CCDC136: variants seen among roughly 807,000 people sequenced by gnomAD.
CCDC136 encodes coiled-coil domain-containing protein 136.
CCDC136 carries 100 observed loss-of-function variants against 141.2 expected under a neutral mutation model. The ratio of observed to expected loss-of-function variants is 0.71; its 90% CI spans 0.60 to 0.84. CCDC136 has a LOEUF of 0.84. Ranked by LOEUF, CCDC136 falls within the 40% of genes least tolerant of loss-of-function variation. The pLI, the probability that CCDC136 is intolerant of heterozygous loss-of-function variation, is 0.00. For missense variants in CCDC136, 1,206 were observed against 1,379.4 expected (o/e 0.87, Z 1.99); for synonymous variants, 474 against 531.9 (o/e 0.89, Z 1.50).
chr7:128,806,981 G>T (rs912708867), intron 9 of CCDC136, 123 bp downstream of exon 9: 5 of 966,538 alleles, frequency 5.2e-6, no homozygotes, highest in Non-Finnish European at 7.4e-6. Context: ...GGCCAAAGAG[G>T]TGCTTAGGAG....
At chr7:128,815,978 C>G in intron 16 of CCDC136, 47 bp downstream of exon 16, 1 of 1,546,518 alleles carries the variant, frequency 6.5e-7, no homozygotes, top group Non-Finnish European at 8.7e-7. Flanking sequence ...GGGTCTTGGG[C>G]TCAGATAACT....
rs143918184 is a variant in CCDC136, at chr7:128,815,858, A to G, written c.3290A>G (p.Glu1097Gly). ...EEEKEEDSEEEEDDADSSLES... is the reference protein window; with the variant it reads ...EEEKEEDSEEGEDDADSSLES... ...GAGAAGGAAGAAGACAGTGAAGAGGAGGAGGATGACGCCGACTCTTCCCTT... is the reference window on the plus strand; with the variant it reads ...GAGAAGGAAGAAGACAGTGAAGAGGGGGAGGATGACGCCGACTCTTCCCTT... Residue 1097 changes from glutamate (E) to glycine (G), a missense_variant, in exon 16 of 18, where the codon GAG (glutamate) becomes GGG (glycine). Glu to Gly is a moderately conservative substitution (Grantham distance 98). Transcript: ENST00000297788. 324 of 1,613,706 alleles carry G rather than the reference A, an allele frequency of 2.0e-4. 1 individual carries two copies. The African/African-American group carries it at 3.6e-3, about 18-fold the overall frequency.
intron 4 of CCDC136, 138 bp from the exon 5 acceptor site, chr7:128,804,512 T>G (rs1562915512): frequency 6.4e-6 from 4 of 625,152 alleles, no homozygotes; most frequent in Non-Finnish European, 1.1e-5. Flanking sequence ...CTTCTAAGCC[T>G]CTACCTTTTT....
At chr7:128,801,062 G>A (rs1282687634) in intron 3 of CCDC136, 124 bp from the exon 4 acceptor site, 1 of 652,118 alleles carries the variant, frequency 1.5e-6, no homozygotes, top group South Asian at 1.9e-5. Context: ...TCTCTGATGG[G>A]GTAGAGACAA....
chr7:128,810,267 C>G lies in CCDC136; in HGVS notation c.1929C>G (p.His643Gln). ...TATTAAAAGAACAATTAGAGATCCACGAAGAGCTGCGACGTTTCAAAGAGT... is the reference window on the plus strand; with the variant it reads ...TATTAAAAGAACAATTAGAGATCCAGGAAGAGCTGCGACGTTTCAAAGAGT... Reference protein sequence around the residue: ...DCVLKEQLEIHEELRRFKESH... With the variant: ...DCVLKEQLEIQEELRRFKESH... The change falls in exon 12 of 18, where the codon CAC becomes CAG. Residue 643 changes from histidine to glutamine, a missense_variant. Physicochemically the swap from His to Gln is conservative, Grantham distance 24 (BLOSUM62 0). Transcript: ENST00000297788. The G allele has an allele frequency of 6.2e-7, 1 of 1,613,754 alleles. No individual in the cohort carries two copies. The highest frequency in any genetic ancestry group is 1.1e-5 in the South Asian group (1 of 90,992).
At chr7:128,804,787 G>A (rs1433868057) in intron 5 of CCDC136, 26 bp downstream of exon 5, 7 of 1,424,640 alleles carry the variant, frequency 4.9e-6, no homozygotes, top group Non-Finnish European at 6.8e-6. Flanking sequence ...GAGAGTGAGA[G>A]GTCATGGGGT....
At chr7:128,801,580 A>G (rs1804031764) in intron 4 of CCDC136, 71 bp downstream of exon 4, 1 of 1,106,400 alleles carries the variant, frequency 9.0e-7, no homozygotes, top group Non-Finnish European at 1.3e-6. Context: ...AAAATGGTAG[A>G]AGGTGGTGTT....
At chr7:128,795,725 T>C (rs1802845321) in intron 3 of CCDC136, among the ~76,000 whole-genome samples, 1 of 152,136 alleles carries the variant, frequency 6.6e-6, no homozygotes, top group African/African-American at 2.4e-5. Flanking sequence ...TTGTGTGATC[T>C]TGGGCAAGTC....
At chr7:128,804,184 A>G (rs1804481195) in intron 4 of CCDC136, among the ~76,000 whole-genome samples, 1 of 152,262 alleles carries the variant, frequency 6.6e-6, no homozygotes, top group South Asian at 2.1e-4. Flanking sequence ...GAAACTCAGA[A>G]TGCCTGAAAG....
In CCDC136 at chr7:128,817,156, G is replaced by A. The variant is rs1389385574; in HGVS notation, c.3364-602G>A. ...GATCCCTTTGCCCCGTGGGTCCTGCGTCTTTTGCAGGCAGCTCTAGGGCAT... is the reference window on the plus strand; with the variant it reads ...GATCCCTTTGCCCCGTGGGTCCTGCATCTTTTGCAGGCAGCTCTAGGGCAT... On this transcript the variant is annotated intron_variant, in intron 16 of 17. Coordinates refer to ENST00000297788, the MANE Select transcript of CCDC136 (RefSeq NM_022742.5). The surrounding 1 kb of genome is among the most constrained non-coding windows in gnomAD (Gnocchi z 4.6). Among the ~76,000 whole-genome samples, 3 of 152,156 alleles carry A rather than the reference G, an allele frequency of 2.0e-5. No homozygotes were observed. The highest frequency in any genetic ancestry group is 6.5e-5 in the Admixed American group (1 of 15,280).
chr7:128,813,137 TTC>T (rs1224307629), intron 14 of CCDC136, among the ~76,000 whole-genome samples: 1 of 152,364 alleles, frequency 6.6e-6, no homozygotes. Flanking sequence ...ATCGAATGAT[TTC>T]TCTCTTTCTC....
rs1249323695 is a variant in CCDC136 at position 128,797,096 on chromosome 7, G to T, written c.346+2328G>T. Reference sequence around the variant, plus strand: ...GATTTGCTAATGAATTCGATCAGGGGATAACAGAGACATGAAAGATGACTT... The same window carrying T: ...GATTTGCTAATGAATTCGATCAGGGTATAACAGAGACATGAAAGATGACTT... On this transcript the variant is annotated intron_variant, in intron 3 of 17. Coordinates refer to ENST00000297788, the MANE Select transcript of CCDC136 (RefSeq NM_022742.5). Among the ~76,000 whole-genome samples, 4 of 152,282 alleles carry T rather than the reference G, an allele frequency of 2.6e-5. No homozygotes were observed. The South Asian group carries it at 8.3e-4, about 32-fold the overall frequency.
At chr7:128,808,950 A>G in intron 10 of CCDC136, 1 of 984,340 alleles carries the variant, frequency 1.0e-6, no homozygotes, top group Non-Finnish European at 1.2e-6. Flanking sequence ...ATTTACCAAT[A>G]GCGCATACTT....
At chr7:128,799,964 T>C (rs1803743505) in intron 3 of CCDC136, among the ~76,000 whole-genome samples, 1 of 152,140 alleles carries the variant, frequency 6.6e-6, no homozygotes, top group South Asian at 2.1e-4. Context: ...AAATAGAAAA[T>C]ATAGGCTTGT....
Position 128,794,817 on chromosome 7 carries a change from C to T in CCDC136, c.346+49C>T, listed in dbSNP as rs372551028. On this transcript the variant is annotated intron_variant, in intron 3 of 17. Coordinates refer to ENST00000297788, the MANE Select transcript of CCDC136 (RefSeq NM_022742.5). This position sits in a 1 kb window ranked among gnomAD's most constrained non-coding sequence, Gnocchi z 4.3. The stretch of plus-strand genomic sequence containing the variant: ...AGGGAGGTGGCCATCCAAGTGGTCA[C>T]CTAAGTACTTTTTTCCTGAGGGTTT... 7.2e-5 allele frequency: 105 copies of T among 1,450,778 alleles called. No homozygotes were observed. In the African/African-American group the frequency reaches 1.3e-3, roughly 18 times the overall value. The allele number at this position is 1,450,778 out of a possible 1,614,324, so 89.9% of individuals were successfully genotyped here. A position where few individuals can be genotyped will look rare whatever the true frequency, so the allele number is the denominator to read the frequency against.
intron 3 of CCDC136, among the ~76,000 whole-genome samples, chr7:128,800,192 A>T (rs746204267): frequency 2.4e-4 from 36 of 152,270 alleles, no homozygotes; most frequent in Middle Eastern, 3.4e-3. Flanking sequence ...CTTTTTCTTC[A>T]GTTAATATGG....
upstream of CCDC136, chr7:128,791,434 C>A (rs944224248): frequency 3.2e-6 from 4 of 1,231,358 alleles, no homozygotes; most frequent in East Asian, 1.3e-4. The surrounding 1 kb of genome is among the most constrained non-coding windows in gnomAD (Gnocchi z 7.1). Flanking sequence ...CGGCTCGGGT[C>A]CCCGGGCTCG....
chr7:128,799,640 TA>T (rs1803680302), intron 3 of CCDC136, among the ~76,000 whole-genome samples: 4 of 149,544 alleles, frequency 2.7e-5, no homozygotes, highest in Non-Finnish European at 5.9e-5. Flanking sequence ...GGACTTCTCT[TA>T]TTTTTTTTTG....
Position 128,792,380 on chromosome 7 carries a change from G to T in CCDC136, c.-32G>T. 2 of 1,611,372 alleles carry T rather than the reference G, an allele frequency of 1.2e-6. No individual in the cohort carries two copies. The highest frequency in any genetic ancestry group is 1.7e-6 in the Non-Finnish European group (2 of 1,178,650). On this transcript the variant is annotated 5_prime_UTR_variant, in exon 1 of 18. Transcript: ENST00000297788. ...TCCGAGGGCTGTGAGAGGAAGAAGG[G>T]CCAACGCTGGGGGTCCCTGGAACGA... is the stretch of plus-strand genomic sequence containing the variant.
Sources: allele counts gnomAD v4.1 joint callset (sites outside exome capture counted in the v4.1 genomes callset), GRCh38; gene constraint gnomAD v4.1.1; non-coding constraint Gnocchi (gnomAD v3.1); transcripts MANE v1.5; gene names NCBI Gene and HGNC (gene_info 2026-07-23, HGNC 2026-07-21).